UBE2H: variants seen among roughly 807,000 people sequenced by gnomAD.
The protein encoded by UBE2H is ubiquitin-conjugating enzyme E2 H.
A neutral mutation model predicts 29.0 loss-of-function variants in UBE2H; 3 were observed. The observed-to-expected ratio is 0.10, with a 90% CI of 0.05 to 0.27. The LOEUF is 0.27. Among genes scored for constraint, UBE2H ranks in the 10% least tolerant of loss-of-function variants. The probability of loss-of-function intolerance (pLI) is 1.00; values close to 1 mark genes in which losing one functional copy is unlikely to be tolerated. For synonymous variants in UBE2H, 69 were observed against 82.9 expected, an observed-to-expected ratio of 0.83 and a Z score of 0.91; for missense variants, 68 against 228.2, an observed-to-expected ratio of 0.30 and a Z score of 4.52.
intron 1 of UBE2H, among the ~76,000 whole-genome samples, chr7:129,902,777 T>C (rs1001637906): frequency 5.9e-5 from 9 of 151,880 alleles, no homozygotes; most frequent in African/African-American, 2.2e-4. Flanking sequence ...AAGCCTTGCC[T>C]CCCCCCACCA....
chr7:129,895,281 CG>C (rs1806577500), intron 1 of UBE2H, among the ~76,000 whole-genome samples: 1 of 152,036 alleles, frequency 6.6e-6, no homozygotes, highest in Non-Finnish European at 1.5e-5. Flanking sequence ...GAAGCACAGG[CG>C]GAAGACCTAG....
chr7:129,874,936 C>T (rs1806117386), intron 3 of UBE2H, among the ~76,000 whole-genome samples: 1 of 152,000 alleles, frequency 6.6e-6, no homozygotes, highest in Non-Finnish European at 1.5e-5. Context: ...TATACACACA[C>T]ATAATTAAAA....
chr7:129,946,054 A>T (rs1276817053), intron 1 of UBE2H, among the ~76,000 whole-genome samples: 2 of 28,490 alleles, frequency 7.0e-5, no homozygotes, highest in Non-Finnish European at 2.1e-4. Context: ...CCTAGTCATT[A>T]TTATTTTTTT....
At chr7:129,951,525 G>T (rs1807876006) in intron 1 of UBE2H, among the ~76,000 whole-genome samples, 1 of 151,680 alleles carries the variant, frequency 6.6e-6, no homozygotes, top group East Asian at 1.9e-4. Flanking sequence ...AGGAACCTTC[G>T]CGAATTTCTC....
At chr7:129,890,639 A>T (rs1391921550) in intron 1 of UBE2H, among the ~76,000 whole-genome samples, 2 of 152,124 alleles carry the variant, frequency 1.3e-5, no homozygotes, top group Non-Finnish European at 2.9e-5. Flanking sequence ...TGGCCTCCCA[A>T]AATACTACAG....
intron 3 of UBE2H, among the ~76,000 whole-genome samples, chr7:129,878,291 C>T (rs935927239): frequency 6.6e-6 from 1 of 152,126 alleles, no homozygotes; most frequent in South Asian, 2.1e-4. Flanking sequence ...AACTTAGAGG[C>T]CCCTATAGCA....
intron 1 of UBE2H, among the ~76,000 whole-genome samples, chr7:129,885,330 C>T (rs1401589099): frequency 6.6e-6 from 1 of 152,218 alleles, no homozygotes; most frequent in Non-Finnish European, 1.5e-5. Context: ...TCCACAGATG[C>T]AGCATTCTCC....
Position 129,858,367 on chromosome 7 carries a change from A to T in UBE2H, c.245+535T>A, listed in dbSNP as rs369908078. Among the ~76,000 whole-genome samples, 25 of 152,366 alleles carry T rather than the reference A, an allele frequency of 1.6e-4. No individual in the cohort carries two copies. The East Asian group carries it at 2.1e-3, about 13-fold the overall frequency. On this transcript the variant is annotated intron_variant, in intron 4 of 6. Coordinates refer to ENST00000355621, the MANE Select transcript of UBE2H (RefSeq NM_003344.4). ...AGAGACAGTAAAACTTAGTGCCATG[A>T]CAAATTAAAATTGCATCCCAAACAA...
At chr7:129,847,230 C>T (rs901857170) in intron 5 of UBE2H, among the ~76,000 whole-genome samples, 2 of 152,130 alleles carry the variant, frequency 1.3e-5, no homozygotes, top group South Asian at 4.1e-4. Flanking sequence ...GTAGAGACAG[C>T]GTTTTGCCAT....
Position 129,834,271 on chromosome 7 carries a change from T to TG in UBE2H, c.*665dup, listed in dbSNP as rs1805282601. The stretch of plus-strand genomic sequence containing the variant: ...CCCAAGTTTCTCCAACAGAACACTG[T>TG]GGCTGCAGGGCCTGGTAGTGTGAAG... On this transcript the variant is annotated 3_prime_UTR_variant, in exon 7 of 7. Transcript: ENST00000355621. 6.6e-6 allele frequency: 1 copy of TG among 152,248 alleles called. No homozygotes were observed. The highest frequency in any genetic ancestry group is 1.5e-5 in the Non-Finnish European group (1 of 68,056). 9.4% of individuals were successfully genotyped at this position (152,248 alleles called of 1,614,324 possible).
chr7:129,844,142 A>G (rs1042842645), intron 5 of UBE2H, among the ~76,000 whole-genome samples: 3 of 152,172 alleles, frequency 2.0e-5, no homozygotes, highest in African/African-American at 7.2e-5. Context: ...TTTTTGATCC[A>G]TTTTACAGAA....
intron 5 of UBE2H, chr7:129,856,973 A>G (rs182147588): frequency 6.6e-6 from 1 of 152,544 alleles, no homozygotes; most frequent in Non-Finnish European, 1.5e-5. Context: ...GATATTCAGC[A>G]TAGCATTTTG....
chr7:129,952,815 G>GCGCTCCTCTGCGCCGCGCGA lies in UBE2H; in HGVS notation c.-280_-261dup, dbSNP rs1807911924. 1 of 285,004 alleles carries GCGCTCCTCTGCGCCGCGCGA rather than the reference G, an allele frequency of 3.5e-6. No individual in the cohort carries two copies. The highest frequency in any genetic ancestry group is 6.4e-6 in the Non-Finnish European group (1 of 155,080). 17.7% of individuals were successfully genotyped at this position (285,004 alleles called of 1,614,324 possible). A position where few individuals can be genotyped will look rare whatever the true frequency, so the allele number is the denominator to read the frequency against. ...GTGGTTCCGCCGCGGCCCTGCCCCG[G>GCGCTCCTCTGCGCCGCGCGA]CGCTCCTCTGCGCCGCGCGACGCTC... On this transcript the variant is annotated 5_prime_UTR_variant, in exon 1 of 7. Coordinates refer to ENST00000355621, the MANE Select transcript of UBE2H (RefSeq NM_003344.4).
intron 3 of UBE2H, among the ~76,000 whole-genome samples, chr7:129,865,681 T>C (rs1303752366): frequency 6.6e-6 from 1 of 152,254 alleles, no homozygotes; most frequent in Non-Finnish European, 1.5e-5. Context: ...TATGAATTCC[T>C]GTGAGAAAAC....
chr7:129,853,466 T>C (rs757058798), intron 5 of UBE2H, among the ~76,000 whole-genome samples: 1 of 152,238 alleles, frequency 6.6e-6, no homozygotes, highest in Non-Finnish European at 1.5e-5. Flanking sequence ...GGTCATCTGC[T>C]ACTTTCTGTT....
At chr7:129,851,408 G>C (rs1805607304) in intron 5 of UBE2H, among the ~76,000 whole-genome samples, 1 of 152,202 alleles carries the variant, frequency 6.6e-6, no homozygotes, top group Non-Finnish European at 1.5e-5. Flanking sequence ...TAGTCTTGCT[G>C]TCATACTAAA....
chr7:129,863,981 T>C (rs924883371), intron 3 of UBE2H, among the ~76,000 whole-genome samples: 4 of 152,036 alleles, frequency 2.6e-5, no homozygotes, highest in African/African-American at 9.7e-5. Context: ...TTCGTAGAGA[T>C]AGGGTTTCAC....
chr7:129,889,756 GAA>G (rs1210053344), intron 1 of UBE2H, among the ~76,000 whole-genome samples: 1 of 152,182 alleles, frequency 6.6e-6, no homozygotes, highest in African/African-American at 2.4e-5. Context: ...AGCAAGGGCA[GAA>G]AGATTGCTTG....
intron 1 of UBE2H, among the ~76,000 whole-genome samples, chr7:129,894,347 G>A (rs1312511635): frequency 6.6e-6 from 1 of 152,020 alleles, no homozygotes; most frequent in African/African-American, 2.4e-5. Context: ...CCAGCTACTC[G>A]GGAGGATCGC....
Sources: gnomAD v4.1 joint callset for allele counts (sites outside exome capture counted in the v4.1 genomes callset) on GRCh38, gnomAD v4.1.1 for gene constraint, MANE v1.5 for transcripts, NCBI Gene and HGNC (gene_info 2026-07-23, HGNC 2026-07-21) for gene names.